Variants in DEPTOR observed in about 807,000 individuals in gnomAD.
DEPTOR encodes the protein DEP domain containing MTOR interacting protein, also known as DEP domain-containing mTOR-interacting protein.
DEPTOR carries 41 observed loss-of-function variants against 41.6 expected under a neutral mutation model. The observed-to-expected ratio is 0.98, with a 90% CI of 0.77 to 1.28. The LOEUF (loss-of-function observed/expected upper bound fraction) is 1.28. Ranked by LOEUF, DEPTOR falls within the 50% of genes most tolerant of loss-of-function variation. DEPTOR has a pLI of 0.00. For missense variants in DEPTOR, 514 were observed against 527.9 expected (o/e 0.97, Z 0.26); for synonymous variants, 195 against 192.3 (o/e 1.01, Z -0.12).
At chr8:120,006,253 G>A (rs1455182548) in intron 6 of DEPTOR, among the ~76,000 whole-genome samples, 2 of 152,152 alleles carry the variant, frequency 1.3e-5, no homozygotes, top group Non-Finnish European at 2.9e-5. Flanking sequence ...GTGAGGCTGG[G>A]CGGCTCATGC....
chr8:119,970,948 C>T (rs543395507), intron 4 of DEPTOR, among the ~76,000 whole-genome samples: 385 of 152,198 alleles, frequency 2.5e-3, no homozygotes, highest in Non-Finnish European at 4.0e-3. Flanking sequence ...GCTGAAAAAT[C>T]GGCCGGGCAC....
intron 3 of DEPTOR, among the ~76,000 whole-genome samples, chr8:119,956,914 T>C (rs1317171960): frequency 6.6e-6 from 1 of 152,008 alleles, no homozygotes; most frequent in Admixed American, 6.6e-5. Flanking sequence ...TTTTTGTGTT[T>C]TTAGTAGAGA....
chr8:120,026,265 T>G (rs1476527511), intron 8 of DEPTOR, among the ~76,000 whole-genome samples: 1 of 152,116 alleles, frequency 6.6e-6, no homozygotes, highest in Admixed American at 6.6e-5. Context: ...TGGAAAACTT[T>G]CATGGCATTT....
chr8:120,019,435 T>TGCCTCTTTCAAGTCA (rs1309734786), intron 8 of DEPTOR, among the ~76,000 whole-genome samples: 2 of 152,246 alleles, frequency 1.3e-5, no homozygotes, highest in African/African-American at 2.4e-5. Context: ...GACCCCCTTG[T>TGCCTCTTTCAAGTCA]GCCTCTTTCA....
chr8:120,004,291 G>A (rs1439360173), intron 6 of DEPTOR, among the ~76,000 whole-genome samples: 2 of 152,122 alleles, frequency 1.3e-5, no homozygotes, highest in Non-Finnish European at 2.9e-5. Context: ...GTTAGCAGCA[G>A]GAATAAATGT....
intron 1 of DEPTOR, among the ~76,000 whole-genome samples, chr8:119,926,620 T>C (rs1008640331): frequency 6.6e-6 from 1 of 152,230 alleles, no homozygotes; most frequent in African/African-American, 2.4e-5. Context: ...GTCTGGTTTT[T>C]CCTTACTAAA....
intron 1 of DEPTOR, among the ~76,000 whole-genome samples, chr8:119,924,105 C>A (rs2129832922): frequency 6.6e-6 from 1 of 152,234 alleles, no homozygotes; most frequent in Non-Finnish European, 1.5e-5. Flanking sequence ...AATTTGATAG[C>A]TAATTATTTG....
At chr8:119,923,893 C>CTTTTTTTTTTTTTTTTTTGTT (rs769960283) in intron 1 of DEPTOR, among the ~76,000 whole-genome samples, 1 of 104,980 alleles carries the variant, frequency 9.5e-6, no homozygotes, top group African/African-American at 3.0e-5. Context: ...TTTTTTCTTT[C>CTTTTTTTTTTTTTTTTTTGTT]TTTTTTTTTT....
chr8:119,985,191 A>G lies in DEPTOR; in HGVS notation c.605-16334A>G, dbSNP rs371192160. ...CTGTCTCAAAAAGAAAAGTATTCCA[A>G]TTTCTCCACATCCTCTCCAGCATCT... On this transcript the variant is annotated intron_variant, in intron 4 of 8. Coordinates refer to ENST00000286234, the MANE Select transcript of DEPTOR (RefSeq NM_022783.4). Among the ~76,000 whole-genome samples, 51 of 152,178 alleles carry G rather than the reference A, an allele frequency of 3.4e-4. No homozygotes were observed. In the South Asian group the frequency reaches 4.4e-3, roughly 13 times the overall value.
intron 5 of DEPTOR, among the ~76,000 whole-genome samples, 186 bp from the exon 6 acceptor site, chr8:120,002,791 A>AAT (rs1177103228): frequency 0.045 from 2,733 of 60,588 alleles, 250 homozygotes; most frequent in Admixed American, 0.08. Flanking sequence ...AAAAAAAAAA[A>AAT]ATATATATAT....
chr8:119,919,931 T>A (rs1827868352), intron 1 of DEPTOR, among the ~76,000 whole-genome samples: 1 of 152,214 alleles, frequency 6.6e-6, no homozygotes, highest in South Asian at 2.1e-4. Flanking sequence ...TTTGCAGGTA[T>A]TGTTAACACC....
intron 1 of DEPTOR, among the ~76,000 whole-genome samples, chr8:119,915,133 A>T (rs544063417): frequency 6.6e-6 from 1 of 151,744 alleles, no homozygotes; most frequent in Admixed American, 6.6e-5. Flanking sequence ...CGCCCAGCTA[A>T]TTTTTTAATT....
In DEPTOR at chr8:119,918,456, T is replaced by A. The variant is rs1235661194; in HGVS notation, c.123-9944T>A. On this transcript the variant is annotated intron_variant, in intron 1 of 8. Coordinates refer to ENST00000286234, the MANE Select transcript of DEPTOR (RefSeq NM_022783.4). Reference sequence around the variant, plus strand: ...GGACCACCTTTATTTATTTATTTATTTATTTATTTATTTATTTATTTAGAG... The same window carrying A: ...GGACCACCTTTATTTATTTATTTATATATTTATTTATTTATTTATTTAGAG... 3.3e-5 allele frequency among the ~76,000 whole-genome samples: 5 copies of A among 151,848 alleles called. No individual in the cohort carries two copies. In the East Asian group the frequency reaches 9.7e-4, roughly 29 times the overall value.
At chr8:119,895,390 C>T (rs917950047) in intron 1 of DEPTOR, among the ~76,000 whole-genome samples, 5 of 152,140 alleles carry the variant, frequency 3.3e-5, no homozygotes, top group East Asian at 1.9e-4. Context: ...TAACTGGGCA[C>T]GCATAAATCC....
At position 119,965,371 on chromosome 8, in the gene DEPTOR, C is replaced by T; in HGVS notation, c.565C>T (p.Leu189Phe). The T allele has an allele frequency of 6.2e-7, 1 of 1,614,100 alleles. No individual in the cohort carries two copies. Among genetic ancestry groups the T allele is most frequent in the Non-Finnish European group, 8.5e-7 (1 of 1,180,008 alleles). ...CACCACGAGGAAAGAGGCAGAGCAG[C>T]TTTGCCACCGGCTTATGGAGCATGG... ...EATTRKEAEQ[L>F]CHRLMEHGII... The change falls in exon 4 of 9, where the codon CTT (leucine) becomes TTT (phenylalanine). Residue 189 changes from leucine (L) to phenylalanine (F), a missense_variant. Leu to Phe is a conservative substitution (Grantham distance 22). Transcript: ENST00000286234.
chr8:120,049,082 T>C (rs1813193692), intron 8 of DEPTOR, among the ~76,000 whole-genome samples: 1 of 152,192 alleles, frequency 6.6e-6, no homozygotes, highest in Admixed American at 6.5e-5. Context: ...GAAATGATGG[T>C]TCCCAAGGTG....
intron 1 of DEPTOR, among the ~76,000 whole-genome samples, chr8:119,896,625 G>A (rs546985660): frequency 6.6e-6 from 1 of 151,992 alleles, no homozygotes; most frequent in East Asian, 1.9e-4. Context: ...TTGGCCTCAC[G>A]AGTAGCTGGG....
chr8:119,971,847 G>C (rs1217075186), intron 4 of DEPTOR, among the ~76,000 whole-genome samples: 1 of 152,140 alleles, frequency 6.6e-6, no homozygotes, highest in Non-Finnish European at 1.5e-5. Flanking sequence ...TACTCTGCTT[G>C]CTCAGCCAGC....
intron 4 of DEPTOR, among the ~76,000 whole-genome samples, chr8:119,989,749 T>C (rs1586647118): frequency 6.6e-6 from 1 of 152,360 alleles, no homozygotes; most frequent in Non-Finnish European, 1.5e-5. Flanking sequence ...ATTTTTATCA[T>C]CTACATTCTC....
Sources: gnomAD v4.1 joint callset for allele counts (sites outside exome capture counted in the v4.1 genomes callset) on GRCh38, gnomAD v4.1.1 for gene constraint, MANE v1.5 for transcripts, NCBI Gene and HGNC (gene_info 2026-07-23, HGNC 2026-07-21) for gene names.